The following GALNT17 variants were observed in gnomAD, a reference collection of about 807,000 sequenced individuals.
The protein encoded by GALNT17 is polypeptide N-acetylgalactosaminyltransferase 17, also known as UDP-GalNAc:polypeptide N-acetylgalactosaminyltransferase-like 3.
Under a neutral mutation model 63.7 loss-of-function variants are expected in GALNT17, and 29 were observed. The observed-to-expected ratio is 0.46, with a 90% CI of 0.34 to 0.62. GALNT17 has a LOEUF of 0.62. Ranked by LOEUF, GALNT17 falls within the 20% of genes least tolerant of loss-of-function variation. The probability of loss-of-function intolerance (pLI) is 0.01; values close to 1 mark genes in which losing one functional copy is unlikely to be tolerated. For missense variants in GALNT17, 603 were observed against 799.6 expected, an observed-to-expected ratio of 0.75 and a Z score of 2.97; for synonymous variants, 305 against 318.3, an observed-to-expected ratio of 0.96 and a Z score of 0.45.
intron 8 of GALNT17, among the ~76,000 whole-genome samples, chr7:71,672,162 GGAA>G (rs1418108589): frequency 6.6e-6 from 1 of 152,042 alleles, no homozygotes; most frequent in Non-Finnish European, 1.5e-5. Context: ...TAAATATAAA[GGAA>G]GAATCAAACA....
At chr7:71,611,267 C>T in intron 6 of GALNT17, among the ~76,000 whole-genome samples, 1 of 152,150 alleles carries the variant, frequency 6.6e-6, no homozygotes, top group Non-Finnish European at 1.5e-5. Context: ...TATCCCTCTA[C>T]TGTCTGATTG....
At chr7:71,380,142 G>A (rs961384854) in intron 2 of GALNT17, among the ~76,000 whole-genome samples, 10 of 152,068 alleles carry the variant, frequency 6.6e-5, no homozygotes, top group Admixed American at 2.0e-4. Context: ...TTCTGGCCAC[G>A]TAGAGTAGAT....
intron 5 of GALNT17, among the ~76,000 whole-genome samples, chr7:71,451,462 A>G (rs1276978789): frequency 2.6e-5 from 4 of 152,204 alleles, no homozygotes; most frequent in South Asian, 4.2e-4. Flanking sequence ...AGCATTTATC[A>G]GTGTTTTTCT....
intron 2 of GALNT17, among the ~76,000 whole-genome samples, chr7:71,384,087 C>T (rs764383153): frequency 3.3e-5 from 5 of 152,190 alleles, no homozygotes; most frequent in Non-Finnish European, 7.3e-5. Context: ...TCTCCGCATC[C>T]TCTTCAACAC....
chr7:71,658,909 A>G (rs1790867454), intron 6 of GALNT17, among the ~76,000 whole-genome samples: 2 of 151,892 alleles, frequency 1.3e-5, no homozygotes, highest in Non-Finnish European at 2.9e-5. Flanking sequence ...AATCCCTCAA[A>G]TCTATCTACA....
chr7:71,341,861 G>C (rs1197562973), intron 2 of GALNT17, among the ~76,000 whole-genome samples: 3 of 152,108 alleles, frequency 2.0e-5, no homozygotes, highest in Non-Finnish European at 2.9e-5. Context: ...ACATTCTAGG[G>C]TGACAGCCAT....
intron 5 of GALNT17, among the ~76,000 whole-genome samples, chr7:71,423,389 T>TTA: frequency 6.6e-6 from 1 of 152,102 alleles, no homozygotes; most frequent in Non-Finnish European, 1.5e-5. Context: ...GATCCCCGAG[T>TTA]TATAGTTCAG....
intron 1 of GALNT17, among the ~76,000 whole-genome samples, chr7:71,256,260 T>A (rs1180944121): frequency 6.6e-6 from 1 of 152,196 alleles, no homozygotes; most frequent in African/African-American, 2.4e-5. Context: ...ATGCCTGTTG[T>A]CTCCCTACAA....
chr7:71,693,054 TTAGA>T (rs1417404253), intron 9 of GALNT17, among the ~76,000 whole-genome samples: 2 of 151,836 alleles, frequency 1.3e-5, no homozygotes, highest in Admixed American at 6.6e-5. Context: ...TAGTATATAC[TTAGA>T]TAGATAACTA....
intron 1 of GALNT17, among the ~76,000 whole-genome samples, chr7:71,267,853 C>G (rs1790519094): frequency 2.0e-5 from 3 of 146,500 alleles, no homozygotes; most frequent in African/African-American, 7.6e-5. Context: ...CCTCCCCCCA[C>G]CTGCCCCCAC....
At chr7:71,297,331 T>C (rs1583839220) in intron 1 of GALNT17, among the ~76,000 whole-genome samples, 1 of 151,978 alleles carries the variant, frequency 6.6e-6, no homozygotes, top group Non-Finnish European at 1.5e-5. Context: ...TCACCTGAGG[T>C]CTAGGAGTTT....
At chr7:71,286,554 T>G (rs1212382123) in intron 1 of GALNT17, among the ~76,000 whole-genome samples, 1 of 150,682 alleles carries the variant, frequency 6.6e-6, no homozygotes, top group Non-Finnish European at 1.5e-5. Context: ...CAGGGCTTTT[T>G]CCATCTGCCT....
At chr7:71,677,451 T>A (rs976879926) in intron 9 of GALNT17, 145 bp downstream of exon 9, 1 of 722,440 alleles carries the variant, frequency 1.4e-6, no homozygotes, top group Non-Finnish European at 2.2e-6. Context: ...AAGGTAGGAG[T>A]CTTTCTGGTT....
chr7:71,320,079 A>G (rs922066006), intron 1 of GALNT17, among the ~76,000 whole-genome samples: 9 of 152,216 alleles, frequency 5.9e-5, no homozygotes, highest in Non-Finnish European at 1.3e-4. Context: ...CACTCAGCTC[A>G]GCAAATGATC....
chr7:71,399,472 C>G (rs928618689), intron 3 of GALNT17, among the ~76,000 whole-genome samples: 10 of 152,152 alleles, frequency 6.6e-5, no homozygotes, highest in Admixed American at 5.2e-4. Context: ...ACTTGGTTAA[C>G]CCTCTGATTC....
chr7:71,263,012 GAC>G (rs1031446997), intron 1 of GALNT17, among the ~76,000 whole-genome samples: 4 of 151,998 alleles, frequency 2.6e-5, no homozygotes, highest in African/African-American at 9.7e-5. Flanking sequence ...AGGAAATTTG[GAC>G]ACACATGTGT....
intron 3 of GALNT17, among the ~76,000 whole-genome samples, chr7:71,408,227 C>T: frequency 6.6e-6 from 1 of 152,046 alleles, no homozygotes; most frequent in Non-Finnish European, 1.5e-5. Flanking sequence ...GTGATTCTCA[C>T]TCTGGGAATA....
At chr7:71,176,997 T>C (rs1048286889) in intron 1 of GALNT17, among the ~76,000 whole-genome samples, 1 of 152,176 alleles carries the variant, frequency 6.6e-6, no homozygotes, top group African/African-American at 2.4e-5. Flanking sequence ...GCTGTGAATG[T>C]AGTTACTAAA....
At chr7:71,698,278 A>G (rs1174623175) in intron 9 of GALNT17, among the ~76,000 whole-genome samples, 2 of 152,214 alleles carry the variant, frequency 1.3e-5, no homozygotes, top group African/African-American at 2.4e-5. Flanking sequence ...CTTCTAAAGA[A>G]TGTACTGTAG....
Sources: gnomAD v4.1 joint callset for allele counts (sites outside exome capture counted in the v4.1 genomes callset) on GRCh38, gnomAD v4.1.1 for gene constraint, MANE v1.5 for transcripts, NCBI Gene and HGNC (gene_info 2026-07-23, HGNC 2026-07-21) for gene names.